Variants in LYRM4 observed in about 807,000 individuals in gnomAD.
LYRM4 encodes the protein LYR motif-containing protein 4.
A neutral mutation model predicts 11.7 loss-of-function variants in LYRM4; 9 were observed. The observed-to-expected ratio is 0.77, with a 90% CI of 0.46 to 1.34. The LOEUF (loss-of-function observed/expected upper bound fraction) is 1.34, where lower values mean the gene tolerates loss of function less well. LYRM4 is among the 40% of genes most tolerant of loss of function. LYRM4 has a pLI of 0.00. For missense variants in LYRM4, 133 were observed against 112.5 expected (o/e 1.18, Z -0.82); for synonymous variants, 42 against 40.4 (o/e 1.04, Z -0.15).
chr6:5,246,789 G>A (rs1764216965), intron 1 of LYRM4, among the ~76,000 whole-genome samples: 1 of 152,124 alleles, frequency 6.6e-6, no homozygotes, highest in Non-Finnish European at 1.5e-5. Context: ...ACCTTGGAAG[G>A]GCCCTCACAG....
chr6:5,084,380 C>T, the LYRM4 span, among the ~76,000 whole-genome samples: 4 of 152,180 alleles, frequency 2.6e-5, no homozygotes, highest in Admixed American at 1.3e-4. Context: ...CGGCGCGGGC[C>T]ACGCCCCCAC....
At chr6:5,041,090 A>T in the LYRM4 span, among the ~76,000 whole-genome samples, 1 of 152,106 alleles carries the variant, frequency 6.6e-6, no homozygotes, top group African/African-American at 2.4e-5. Context: ...ACTTGAACCC[A>T]GGAGGTGGAG....
intron 2 of LYRM4, among the ~76,000 whole-genome samples, chr6:5,181,367 T>A (rs541223118): frequency 2.6e-5 from 4 of 152,226 alleles, no homozygotes; most frequent in Non-Finnish European, 5.9e-5. Flanking sequence ...GCTCCATGAA[T>A]GGTTTTCTAC....
At chr6:5,079,171 C>T in the LYRM4 span, among the ~76,000 whole-genome samples, 1 of 152,106 alleles carries the variant, frequency 6.6e-6, no homozygotes, top group African/African-American at 2.4e-5. Flanking sequence ...AGCTTACACA[C>T]CCTTTTAACA....
chr6:5,043,719 C>T, the LYRM4 span, among the ~76,000 whole-genome samples: 6 of 152,084 alleles, frequency 3.9e-5, no homozygotes, highest in Non-Finnish European at 7.4e-5. Context: ...CTCCCAGGGG[C>T]GCACTTTTCA....
chr6:5,231,905 TCCCTGTGAATC>T (rs1763264224), intron 1 of LYRM4, among the ~76,000 whole-genome samples: 1 of 152,214 alleles, frequency 6.6e-6, no homozygotes, highest in Admixed American at 6.5e-5. Context: ...TTCTATAACA[TCCCTGTGAATC>T]ATCCAGTAGG....
chr6:5,069,926 T>A, the LYRM4 span, among the ~76,000 whole-genome samples: 2 of 152,260 alleles, frequency 1.3e-5, no homozygotes, highest in African/African-American at 4.8e-5. Flanking sequence ...ACAGCCAGCA[T>A]GCAATAACTG....
chr6:5,145,347 T>G (rs200868), intron 2 of LYRM4, among the ~76,000 whole-genome samples: 4 of 152,140 alleles, frequency 2.6e-5, no homozygotes, highest in African/African-American at 9.7e-5. Flanking sequence ...CCTGTGTAAG[T>G]GCCTTATCGC....
chr6:5,119,756 T>C (rs796377761), intron 2 of LYRM4, among the ~76,000 whole-genome samples: 2 of 120,740 alleles, frequency 1.7e-5, no homozygotes, highest in African/African-American at 6.7e-5. Flanking sequence ...ACAATTGCAC[T>C]ATAGCCTGGG....
chr6:5,216,013 T>C (rs1762254395), intron 2 of LYRM4, among the ~76,000 whole-genome samples: 1 of 152,218 alleles, frequency 6.6e-6, no homozygotes, highest in African/African-American at 2.4e-5. Flanking sequence ...CCGCTGCACA[T>C]GCTCCACCCA....
the LYRM4 span, among the ~76,000 whole-genome samples, chr6:5,041,680 C>T: frequency 6.6e-6 from 1 of 152,110 alleles, no homozygotes; most frequent in Non-Finnish European, 1.5e-5. Context: ...GTTTTTTTCC[C>T]ATTCCAGAAC....
intron 2 of LYRM4, among the ~76,000 whole-genome samples, chr6:5,142,057 G>T (rs907383699): frequency 6.6e-6 from 1 of 152,106 alleles, no homozygotes; most frequent in African/African-American, 2.4e-5. Context: ...TAAGGAAACC[G>T]GTGTGGCAGA....
Position 5,259,813 on chromosome 6 carries a change from CA to C in LYRM4, c.86+834del, listed in dbSNP as rs1303404520. Among the ~76,000 whole-genome samples, 7 of 151,650 alleles carry C rather than the reference CA, an allele frequency of 4.6e-5. No homozygotes were observed. The East Asian group carries it at 1.4e-3, about 29-fold the overall frequency. The stretch of plus-strand genomic sequence containing the variant: ...GGTAGTTAGTAAAAACAAAACAAAA[CA>C]AAAAACAAATCTAAAAAAAAATGCA... On this transcript the variant is annotated intron_variant, in intron 1 of 2. Coordinates refer to ENST00000330636, the MANE Select transcript of LYRM4 (RefSeq NM_020408.6).
chr6:5,138,946 T>A (rs1581357871), intron 2 of LYRM4, among the ~76,000 whole-genome samples: 1 of 152,218 alleles, frequency 6.6e-6, no homozygotes, highest in Admixed American at 6.5e-5. Context: ...TTTCGAGCAA[T>A]CAGAGGACTT....
At chr6:5,215,144 C>G (rs766745972) in intron 2 of LYRM4, among the ~76,000 whole-genome samples, 2 of 152,110 alleles carry the variant, frequency 1.3e-5, no homozygotes, top group Non-Finnish European at 2.9e-5. Flanking sequence ...TACAATCCCC[C>G]TTTTCTAGGC....
the LYRM4 span, among the ~76,000 whole-genome samples, chr6:5,048,227 C>T: frequency 3.3e-5 from 5 of 151,868 alleles, no homozygotes; most frequent in Non-Finnish European, 7.4e-5. Context: ...ATCTTCTTTT[C>T]ATGCTATCTT....
At chr6:5,234,552 G>A (rs181788142) in intron 1 of LYRM4, among the ~76,000 whole-genome samples, 11 of 152,362 alleles carry the variant, frequency 7.2e-5, no homozygotes, top group African/African-American at 1.9e-4. Flanking sequence ...AGTCTTTCCA[G>A]GGAAGGTGAT....
chr6:5,082,246 G>A, the LYRM4 span, among the ~76,000 whole-genome samples: 5 of 152,182 alleles, frequency 3.3e-5, no homozygotes, highest in African/African-American at 1.2e-4. Context: ...GAGCCTCTAA[G>A]CTGTGGAGAC....
intron 1 of LYRM4, among the ~76,000 whole-genome samples, chr6:5,257,775 T>C (rs556856463): frequency 6.6e-6 from 1 of 152,300 alleles, no homozygotes; most frequent in South Asian, 2.1e-4. Flanking sequence ...TCCCCTCCCT[T>C]GACCCGGTCC....
Sources: gnomAD v4.1 joint callset for allele counts (sites outside exome capture counted in the v4.1 genomes callset) on GRCh38, gnomAD v4.1.1 for gene constraint, MANE v1.5 for transcripts, NCBI Gene and HGNC (gene_info 2026-07-23, HGNC 2026-07-21) for gene names.